Variants in GRIA4 observed in about 807,000 individuals in gnomAD.
The protein encoded by GRIA4 is glutamate receptor 4.
GRIA4 carries 34 observed loss-of-function variants against 104.0 expected under a neutral mutation model. The observed-to-expected ratio is 0.33, with a 90% CI of 0.25 to 0.44. GRIA4 has a LOEUF of 0.44. Ranked by LOEUF, GRIA4 falls within the 20% of genes least tolerant of loss-of-function variation. The pLI is 1.00. For missense variants in GRIA4, 750 were observed against 1,096.5 expected, an observed-to-expected ratio of 0.68 and a Z score of 4.46; for synonymous variants, 386 against 381.9, an observed-to-expected ratio of 1.01 and a Z score of -0.13.
chr11:105,724,916 CAAAATA>C (rs1938099652), intron 3 of GRIA4, among the ~76,000 whole-genome samples: 1 of 151,836 alleles, frequency 6.6e-6, no homozygotes, highest in African/African-American at 2.4e-5. Context: ...TTGTTGTTAC[CAAAATA>C]ATGAAGAGGT....
intron 4 of GRIA4, among the ~76,000 whole-genome samples, chr11:105,856,008 G>C (rs371161528): frequency 6.6e-6 from 1 of 152,122 alleles, no homozygotes; most frequent in Non-Finnish European, 1.5e-5. Context: ...CAGTAGAATA[G>C]ATAGTAGTCT....
At chr11:105,934,433 T>C (rs1947973620) in intron 14 of GRIA4, among the ~76,000 whole-genome samples, 1 of 152,198 alleles carries the variant, frequency 6.6e-6, no homozygotes, top group South Asian at 2.1e-4. Context: ...TTATGGCATC[T>C]TTCTATTGGA....
chr11:105,702,519 G>C (rs1953533910), intron 3 of GRIA4, among the ~76,000 whole-genome samples: 1 of 151,728 alleles, frequency 6.6e-6, no homozygotes, highest in Non-Finnish European at 1.5e-5. Context: ...ACCTAGATGG[G>C]AAAGGGCATG....
intron 4 of GRIA4, among the ~76,000 whole-genome samples, chr11:105,814,502 T>C (rs1483140367): frequency 1.3e-5 from 2 of 152,160 alleles, no homozygotes; most frequent in African/African-American, 2.4e-5. Flanking sequence ...GTGTGTAGGC[T>C]TGAGCAAGTT....
intron 3 of GRIA4, among the ~76,000 whole-genome samples, chr11:105,746,742 G>A (rs1189872919): frequency 6.6e-6 from 1 of 151,980 alleles, no homozygotes; most frequent in Non-Finnish European, 1.5e-5. Context: ...AATGTATAAT[G>A]AGTCTACAGG....
chr11:105,847,413 G>C (rs1944640305), intron 4 of GRIA4, among the ~76,000 whole-genome samples: 1 of 152,158 alleles, frequency 6.6e-6, no homozygotes. Context: ...CTCTGCATTA[G>C]AGCACAAGCT....
intron 4 of GRIA4, among the ~76,000 whole-genome samples, chr11:105,791,060 C>G (rs1016509602): frequency 6.6e-6 from 1 of 152,138 alleles, no homozygotes; most frequent in Non-Finnish European, 1.5e-5. Flanking sequence ...TGATCCATCC[C>G]TGAAAGTGCT....
At chr11:105,838,820 G>A (rs1322295141) in intron 4 of GRIA4, among the ~76,000 whole-genome samples, 1 of 152,114 alleles carries the variant, frequency 6.6e-6, no homozygotes. Context: ...TCAACTCAGG[G>A]AACTACTGGA....
At chr11:105,748,249 G>T (rs537228863) in intron 3 of GRIA4, among the ~76,000 whole-genome samples, 83 of 152,256 alleles carry the variant, frequency 5.5e-4, no homozygotes, top group Non-Finnish European at 1.1e-3. Context: ...TATGGCTGAG[G>T]TATTGGTTCC....
chr11:105,735,885 G>T (rs1317925531), intron 3 of GRIA4, among the ~76,000 whole-genome samples: 1 of 152,100 alleles, frequency 6.6e-6, no homozygotes, highest in African/African-American at 2.4e-5. Context: ...AAGAGCACCA[G>T]GTTAAAATGA....
At chr11:105,935,493 A>C (rs1048077007) in intron 14 of GRIA4, among the ~76,000 whole-genome samples, 11 of 152,192 alleles carry the variant, frequency 7.2e-5, no homozygotes, top group Admixed American at 4.6e-4. Flanking sequence ...ATGCAATATG[A>C]AGAATATATA....
At chr11:105,691,299 A>G (rs1038820750) in intron 3 of GRIA4, among the ~76,000 whole-genome samples, 1 of 152,216 alleles carries the variant, frequency 6.6e-6, no homozygotes, top group South Asian at 2.1e-4. Flanking sequence ...ACAACAACAA[A>G]AAAAATTGTT....
At chr11:105,681,277 T>C (rs575448996) in intron 3 of GRIA4, among the ~76,000 whole-genome samples, 1 of 152,322 alleles carries the variant, frequency 6.6e-6, no homozygotes, top group South Asian at 2.1e-4. Flanking sequence ...TCCTGATTCT[T>C]AGCCACTGAG....
At chr11:105,832,135 C>A (rs1162624846) in intron 4 of GRIA4, among the ~76,000 whole-genome samples, 1 of 151,906 alleles carries the variant, frequency 6.6e-6, no homozygotes, top group Non-Finnish European at 1.5e-5. Context: ...GAAACAATAA[C>A]CCTGCAATGT....
intron 4 of GRIA4, among the ~76,000 whole-genome samples, chr11:105,819,475 A>G (rs577349235): frequency 6.6e-6 from 1 of 152,296 alleles, no homozygotes; most frequent in East Asian, 1.9e-4. Flanking sequence ...AAGCAATCAG[A>G]AAATTATACT....
intron 4 of GRIA4, among the ~76,000 whole-genome samples, chr11:105,781,583 G>A (rs544952839): frequency 4.6e-5 from 7 of 151,998 alleles, no homozygotes; most frequent in Non-Finnish European, 1.0e-4. Flanking sequence ...AAAACAAAAG[G>A]GAATGCATCT....
chr11:105,613,458 A>T (rs1362691889), intron 3 of GRIA4: 1 of 152,304 alleles, frequency 6.6e-6, no homozygotes, highest in South Asian at 2.1e-4. Flanking sequence ...ACAATTTTGC[A>T]TGTTTTCACA....
chr11:105,682,858 A>T (rs889002022), intron 3 of GRIA4, among the ~76,000 whole-genome samples: 3 of 152,178 alleles, frequency 2.0e-5, no homozygotes, highest in Non-Finnish European at 4.4e-5. Flanking sequence ...AGCAAAAACC[A>T]TATGCTTGAA....
At chr11:105,811,070 G>A (rs1217803459) in intron 4 of GRIA4, among the ~76,000 whole-genome samples, 9 of 152,014 alleles carry the variant, frequency 5.9e-5, no homozygotes, top group Admixed American at 3.9e-4. Flanking sequence ...ATTTGGGAGC[G>A]ATGAGTTGCA....
Sources: allele counts gnomAD v4.1 joint callset (sites outside exome capture counted in the v4.1 genomes callset), GRCh38; gene constraint gnomAD v4.1.1; transcripts MANE v1.5; gene names NCBI Gene and HGNC (gene_info 2026-07-23, HGNC 2026-07-21).